The following ARFGAP1 variants were observed in gnomAD, a reference collection of about 807,000 sequenced individuals.
ARFGAP1 encodes the protein ADP-ribosylation factor GTPase-activating protein 1.
A neutral mutation model predicts 54.0 loss-of-function variants in ARFGAP1; 26 were observed. The observed-to-expected ratio is 0.48, with a 90% CI of 0.35 to 0.67. The LOEUF (loss-of-function observed/expected upper bound fraction) is 0.67. Ranked by LOEUF, ARFGAP1 falls within the 30% of genes least tolerant of loss-of-function variation. The pLI is 0.00. For missense variants in ARFGAP1, 525 were observed against 535.8 expected (o/e 0.98, Z 0.20); for synonymous variants, 248 against 211.9 (o/e 1.17, Z -1.48).
In ARFGAP1 at chr20:63,276,487, C is replaced by T. The variant is rs766387274; in HGVS notation, c.178C>T (p.Arg60Cys). Residue 60 changes from arginine (R) to cysteine (C), a missense_variant, in exon 4 of 13, where the codon CGC (arginine) becomes TGC (cysteine). By Grantham distance (180) the Arg-to-Cys change is radical (BLOSUM62 -3). Transcript: ENST00000370283. The surrounding 1 kb of genome is among the most constrained non-coding windows in gnomAD (Gnocchi z 5.2). The stretch of plus-strand genomic sequence containing the variant: ...CGATCCTCTGCTTTCCAGCTTTGTG[C>T]GCTCTGTTACTATGGACAAGTGGAA... ...RGLGVHLSFVRSVTMDKWKDI... is the reference protein window; with the variant it reads ...RGLGVHLSFVCSVTMDKWKDI... 8 of 1,610,728 alleles carry T rather than the reference C, an allele frequency of 5.0e-6. No individual in the cohort carries two copies. The highest frequency in any genetic ancestry group is 2.2e-5 in the East Asian group (1 of 44,826).
Position 63,287,993 on chromosome 20 carries a change from C to A in ARFGAP1, c.*120C>A. ...AGCAACTGCAGTGTGAGGACAGCGTCTCGGGAGGCAGGACCCTAGGGAGAC... is the reference window on the plus strand; with the variant it reads ...AGCAACTGCAGTGTGAGGACAGCGTATCGGGAGGCAGGACCCTAGGGAGAC... On this transcript the variant is annotated 3_prime_UTR_variant, in exon 13 of 13. Transcript: ENST00000370283. 1.6e-6 allele frequency: 2 copies of A among 1,217,754 alleles called. No homozygotes were observed. Among genetic ancestry groups the A allele is most frequent in the Non-Finnish European group, 1.1e-6 (1 of 898,766 alleles). The allele number at this position is 1,217,754 out of a possible 1,614,324, so 75.4% of individuals were successfully genotyped here.
chr20:63,277,275 A>G lies in ARFGAP1; in HGVS notation c.413A>G (p.Gln138Arg). The stretch of plus-strand genomic sequence containing the variant: ...CCTGCCCAGAACTGGACCCCACCTC[A>G]GCCCAGGACGCTGCCGTCCATGGTG... ...SSPAQNWTPP[Q>R]PRTLPSMVHR... Residue 138 changes from glutamine to arginine, a missense_variant, in exon 5 of 13, where the codon CAG becomes CGG. Gln to Arg is a conservative substitution (Grantham distance 43). Transcript: ENST00000370283. 2 of 1,613,054 alleles carry G rather than the reference A, an allele frequency of 1.2e-6. No individual in the cohort carries two copies. Among genetic ancestry groups the G allele is most frequent in the Middle Eastern group, 1.7e-4 (1 of 6,058 alleles).
intron 7 of ARFGAP1, 151 bp downstream of exon 7, chr20:63,279,146 C>T (rs561326038): frequency 5.1e-6 from 4 of 784,060 alleles, no homozygotes; most frequent in East Asian, 2.7e-5. Flanking sequence ...GCGACGTTTT[C>T]TTTCAAAAAT....
At chr20:63,287,086 C>CCCAAATT (rs1333976565) in intron 12 of ARFGAP1, among the ~76,000 whole-genome samples, 1 of 152,250 alleles carries the variant, frequency 6.6e-6, no homozygotes, top group Non-Finnish European at 1.5e-5. Context: ...ACTAGGTGGG[C>CCCAAATT]CCAAATTTTC....
At chr20:63,281,101 C>T (rs1424382238) in intron 7 of ARFGAP1, among the ~76,000 whole-genome samples, 190 bp from the exon 8 acceptor site, 3 of 152,096 alleles carry the variant, frequency 2.0e-5, no homozygotes, top group Non-Finnish European at 2.9e-5. Context: ...GTAGAGGGTG[C>T]GTTTCTGTTG....
rs2067608460 is a variant in ARFGAP1 at position 63,287,938 on chromosome 20, T to C, written c.*65T>C. ...TCGTGTTTGCACTCTGCCCTCGTCG[T>C]TCCTCCTCCTTCCATTTGACCCAAG... On this transcript the variant is annotated 3_prime_UTR_variant, in exon 13 of 13. Transcript: ENST00000370283. 14 of 1,419,918 alleles carry C rather than the reference T, an allele frequency of 9.9e-6. No homozygotes were observed. Among genetic ancestry groups the C allele is most frequent in the Non-Finnish European group, 1.3e-5 (14 of 1,078,662 alleles). 88.0% of individuals were successfully genotyped at this position (1,419,918 alleles called of 1,614,324 possible). A position where few individuals can be genotyped will look rare whatever the true frequency, so the allele number is the denominator to read the frequency against.
intron 11 of ARFGAP1, chr20:63,286,024 C>A (rs1179004912): frequency 1.3e-6 from 2 of 1,546,038 alleles, no homozygotes; most frequent in Non-Finnish European, 8.7e-7. Context: ...GCTCTGCGGG[C>A]CATTTGGGGC....
At chr20:63,282,243 G>A (rs909504308) in intron 8 of ARFGAP1, among the ~76,000 whole-genome samples, 3 of 152,260 alleles carry the variant, frequency 2.0e-5, no homozygotes, top group African/African-American at 4.8e-5. Flanking sequence ...TTTGCCGAGC[G>A]TCAGCTTCTG....
chr20:63,276,634 G>A lies in ARFGAP1; in HGVS notation c.325G>A (p.Ala109Thr). 6.2e-7 allele frequency: 1 copy of A among 1,611,078 alleles called. No individual in the cohort carries two copies. Among genetic ancestry groups the A allele is most frequent in the Non-Finnish European group, 8.5e-7 (1 of 1,178,564 alleles). The change falls in exon 4 of 13, where the codon GCC (alanine) becomes ACC (threonine). Residue 109 changes from alanine (A) to threonine (T), a missense_variant. By Grantham distance (58) the Ala-to-Thr change is moderately conservative. Transcript: ENST00000370283. This position sits in a 1 kb window ranked among gnomAD's most constrained non-coding sequence, Gnocchi z 5.2. The part of the protein sequence containing the change: ...LQEKYNSRAA[A>T]LFRDKVVALA... ...GGAGAAGTACAACAGCAGAGCCGCG[G>A]CCCTCTTTAGGGATAAGGTAGAGAT...
rs368754466 is a variant in ARFGAP1 at position 63,285,094 on chromosome 20, AC to A, written c.774+178del. On this transcript the variant is annotated intron_variant, in intron 10 of 12. Coordinates refer to ENST00000370283, the MANE Select transcript of ARFGAP1 (RefSeq NM_018209.4). ...TCCTCGGGGCCTGGGCTCCTCTTGGACCCCCCAGCTGGTCCCTTCCCCTGGC... is the reference window on the plus strand; with the variant it reads ...TCCTCGGGGCCTGGGCTCCTCTTGGACCCCCAGCTGGTCCCTTCCCCTGGC... Among the ~76,000 whole-genome samples, 8 of 150,604 alleles carry A rather than the reference AC, an allele frequency of 5.3e-5. No individual in the cohort carries two copies. In the East Asian group the frequency reaches 1.4e-3, roughly 26 times the overall value.
chr20:63,284,676 A>G (rs1363419378), intron 9 of ARFGAP1, 190 bp from the exon 10 acceptor site: 24 of 1,428,448 alleles, frequency 1.7e-5, no homozygotes, highest in African/African-American at 2.9e-5. Flanking sequence ...TCCGCCTTCT[A>G]GAGGTGGCGG....
chr20:63,277,212 C>T lies in ARFGAP1; in HGVS notation c.350C>T (p.Ala117Val). ...CCTGTGTCTCCTTGTCAGGTGGTCG[C>T]TCTGGCCGAAGGCAGAGAGTGGTCT... is the stretch of plus-strand genomic sequence containing the variant. ...AAALFRDKVV[A>V]LAEGREWSLE... is the part of the protein sequence containing the mutation. Residue 117 changes from alanine (A) to valine (V), a missense_variant, in exon 5 of 13, where the codon GCT becomes GTT. By Grantham distance (64) the Ala-to-Val change is moderately conservative (BLOSUM62 0). This residue lies in a region of ARFGAP1 where 466 missense variants were observed against 453.6 expected (regional missense o/e 1.03). Transcript: ENST00000370283. 3.7e-6 allele frequency: 6 copies of T among 1,612,250 alleles called. No homozygotes were observed. Among genetic ancestry groups the T allele is most frequent in the Non-Finnish European group, 5.1e-6 (6 of 1,179,810 alleles).
Position 63,276,442 on chromosome 20 carries a change from C to T in ARFGAP1, c.171-38C>T. On this transcript the variant is annotated intron_variant, in intron 3 of 12. Transcript: ENST00000370283. This position sits in a 1 kb window ranked among gnomAD's most constrained non-coding sequence, Gnocchi z 5.2. ...GGGTGGAGGGTGTCCCTGGGTGTCCCCGGTGCTGGTTGATCTGCTCGATCC... is the reference window on the plus strand; with the variant it reads ...GGGTGGAGGGTGTCCCTGGGTGTCCTCGGTGCTGGTTGATCTGCTCGATCC... The T allele has an allele frequency of 6.3e-7, 1 of 1,586,634 alleles. No individual in the cohort carries two copies. The highest frequency in any genetic ancestry group is 8.6e-7 in the Non-Finnish European group (1 of 1,164,378).
chr20:63,274,285 A>T (rs1256350867), intron 1 of ARFGAP1: 1 of 116,700 alleles, frequency 8.6e-6, no homozygotes, highest in African/African-American at 3.2e-5. Flanking sequence ...TTCAGAATTT[A>T]GAAACTTTGG....
chr20:63,284,139 C>T, intron 9 of ARFGAP1: 1 of 1,343,916 alleles, frequency 7.4e-7, no homozygotes, highest in South Asian at 1.9e-5. Flanking sequence ...ATCTCCAAAA[C>T]ACACAGACCC....
At chr20:63,286,672 C>T (rs1229189182) in intron 12 of ARFGAP1, 3 of 544,654 alleles carry the variant, frequency 5.5e-6, no homozygotes, top group Admixed American at 3.2e-5. Flanking sequence ...TTTCCGAGTG[C>T]TCTGCAGCTG....
chr20:63,282,709 C>T, intron 8 of ARFGAP1, 110 bp from the exon 9 acceptor site: 1 of 1,134,176 alleles, frequency 8.8e-7, no homozygotes, highest in Non-Finnish European at 1.3e-6. Flanking sequence ...CCGCTGGCAG[C>T]CCGGGGGCCA....
At chr20:63,284,988 G>A (rs981320696) in intron 10 of ARFGAP1, 66 bp downstream of exon 10, 2 of 1,570,318 alleles carry the variant, frequency 1.3e-6, no homozygotes, top group African/African-American at 1.4e-5. Flanking sequence ...GTGTGTCAGG[G>A]GTGTTAGGGG....
At chr20:63,286,284 T>A in intron 11 of ARFGAP1, 82 bp from the exon 12 acceptor site, 1 of 1,594,516 alleles carries the variant, frequency 6.3e-7, no homozygotes, top group Admixed American at 1.7e-5. Context: ...GGACGGCGCG[T>A]GCCGGCTTGC....
Sources: allele counts gnomAD v4.1 joint callset (sites outside exome capture counted in the v4.1 genomes callset), GRCh38; gene constraint gnomAD v4.1.1; regional missense constraint gnomAD v4.1.1; non-coding constraint Gnocchi (gnomAD v3.1); transcripts MANE v1.5; gene names NCBI Gene and HGNC (gene_info 2026-07-23, HGNC 2026-07-21).